The following LRIT3 variants were observed in gnomAD, a reference collection of about 807,000 sequenced individuals.
LRIT3 encodes leucine-rich repeat, immunoglobulin-like domain and transmembrane domain-containing protein 3.
Under a neutral mutation model 22.6 loss-of-function variants are expected in LRIT3, and 14 were observed. That is an observed-to-expected ratio of 0.62 (90% CI 0.41 to 0.97). The LOEUF (loss-of-function observed/expected upper bound fraction) is 0.97, where lower values mean the gene tolerates loss of function less well. Ranked by LOEUF, LRIT3 falls within the 50% of genes least tolerant of loss-of-function variation. The pLI is 0.00. For missense variants in LRIT3, 783 were observed against 803.0 expected (o/e 0.98, Z 0.30); for synonymous variants, 306 against 304.5 (o/e 1.01, Z -0.05).
rs748357847 is a variant in LRIT3 at position 109,867,649 on chromosome 4, G to A, written c.598G>A (p.Asp200Asn). The A allele has an allele frequency of 6.2e-6, 10 of 1,613,554 alleles. No individual in the cohort carries two copies. Among genetic ancestry groups the A allele is most frequent in the Non-Finnish European group, 8.5e-6 (10 of 1,179,570 alleles). The change falls in exon 3 of 4, where the codon GAC (aspartate) becomes AAC (asparagine). Residue 200 changes from aspartate (D) to asparagine (N), a missense_variant. Physicochemically the swap from Asp to Asn is conservative, Grantham distance 23 (BLOSUM62 1). Coordinates refer to ENST00000594814, the MANE Select transcript of LRIT3 (RefSeq NM_198506.5). ...SPSRIILGLQDNPWFCDCHIS... is the reference protein window; with the variant it reads ...SPSRIILGLQNNPWFCDCHIS... ...CCCACCTTCTGTTTTAGGTCTACAG[G>A]ACAATCCTTGGTTCTGTGACTGTCA...
intron 2 of LRIT3, among the ~76,000 whole-genome samples, chr4:109,865,731 T>TA: frequency 1.3e-5 from 2 of 152,280 alleles, no homozygotes; most frequent in South Asian, 4.2e-4. Context: ...ATTATGTAAT[T>TA]AAAAATTCAT....
intron 2 of LRIT3, among the ~76,000 whole-genome samples, chr4:109,863,893 C>A (rs1734608456): frequency 6.6e-6 from 1 of 152,142 alleles, no homozygotes; most frequent in African/African-American, 2.4e-5. Flanking sequence ...AATCTCAGAG[C>A]CTCTGCAGTT....
chr4:109,849,588 T>C (rs1734159047), intron 1 of LRIT3, among the ~76,000 whole-genome samples: 1 of 152,152 alleles, frequency 6.6e-6, no homozygotes, highest in South Asian at 2.1e-4. Flanking sequence ...CTTTCTTCTA[T>C]GATAGCATGC....
In LRIT3 at chr4:109,869,790, C is replaced by T. The variant is rs762022717; in HGVS notation, c.1041C>T (p.Gly347=). Residue 347 remains glycine (G), a synonymous_variant, in exon 4 of 4, where the codon GGC becomes GGT. Transcript: ENST00000594814. ...SEAVVTVTVL[G]ITTTPIPPDT... is the part of the protein sequence containing the mutation. ...CTGTGGTTACTGTGACAGTGCTTGG[C>T]ATTACCACAACTCCAATACCACCAG... The T allele has an allele frequency of 2.5e-6, 4 of 1,613,832 alleles. No individual in the cohort carries two copies. The Admixed American group carries it at 6.7e-5, about 27-fold the overall frequency.
At position 109,869,638 on chromosome 4, in the gene LRIT3, C is replaced by A. The variant is rs1293958800; in HGVS notation, c.896-7C>A. 6.5e-7 allele frequency: 1 copy of A among 1,530,072 alleles called. No individual in the cohort carries two copies. The highest frequency in any genetic ancestry group is 8.8e-7 in the Non-Finnish European group (1 of 1,141,658). 94.8% of individuals were successfully genotyped at this position (1,530,072 alleles called of 1,614,324 possible). A position where few individuals can be genotyped will look rare whatever the true frequency, so the allele number is the denominator to read the frequency against. ...TCCTCACAGACTATACATTTGTTTT[C>A]TTCCAGTAATACAAGAATCTCCAGA... On this transcript the variant is annotated splice_region_variant and splice_polypyrimidine_tract_variant and intron_variant, in intron 3 of 3. Transcript: ENST00000594814.
At chr4:109,850,100 T>C (rs373037310) in intron 1 of LRIT3, among the ~76,000 whole-genome samples, 4 of 152,350 alleles carry the variant, frequency 2.6e-5, no homozygotes, top group Admixed American at 6.5e-5. Flanking sequence ...GCTGCTTACG[T>C]GTGTATACAT....
rs998461952 is a variant in LRIT3, at chr4:109,849,131, T to C, written c.116+814T>C. On this transcript the variant is annotated intron_variant, in intron 1 of 3. Coordinates refer to ENST00000594814, the MANE Select transcript of LRIT3 (RefSeq NM_198506.5). ...TAATTTGTTAAAAGAGTTGCCCAAT[T>C]TATGTCTTATAACTTTAAACAAATA... is the stretch of plus-strand genomic sequence containing the variant. 5.9e-5 allele frequency among the ~76,000 whole-genome samples: 9 copies of C among 152,206 alleles called. No homozygotes were observed. The East Asian group carries it at 7.7e-4, about 13-fold the overall frequency.
At chr4:109,853,206 A>G (rs1439763810) in intron 2 of LRIT3, among the ~76,000 whole-genome samples, 2 of 152,182 alleles carry the variant, frequency 1.3e-5, no homozygotes, top group Admixed American at 6.5e-5. Context: ...CCAACAGTGT[A>G]AAAACGTTCC....
chr4:109,851,362 T>C, intron 1 of LRIT3, 142 bp from the exon 2 acceptor site: 1 of 1,183,614 alleles, frequency 8.4e-7, no homozygotes, highest in Non-Finnish European at 1.2e-6. Flanking sequence ...ACCAAGGCCC[T>C]CCTCGGCCTC....
chr4:109,853,941 C>T (rs1449094213), intron 2 of LRIT3, among the ~76,000 whole-genome samples: 1 of 152,164 alleles, frequency 6.6e-6, no homozygotes, highest in Non-Finnish European at 1.5e-5. Flanking sequence ...TTCCATTTGT[C>T]TATATATCTG....
At position 109,869,921 on chromosome 4, in the gene LRIT3, T is replaced by C. The variant is rs1734782094; in HGVS notation, c.1172T>C (p.Phe391Ser). The change falls in exon 4 of 4, where the codon TTC (phenylalanine) becomes TCC (serine). Residue 391 changes from phenylalanine to serine, a missense_variant. Transcript: ENST00000594814. ...TCATCATATCTTTGGTCCTCTTCCT[T>C]CTCCCCCACATCTTCTTTTTCTGCT... Reference protein sequence around the residue: ...SASSYLWSSSFSPTSSFSAST... With the variant: ...SASSYLWSSSSSPTSSFSAST... 1 of 1,613,820 alleles carries C rather than the reference T, an allele frequency of 6.2e-7. No homozygotes were observed. The highest frequency in any genetic ancestry group is 1.1e-5 in the South Asian group (1 of 91,076).
intron 2 of LRIT3, among the ~76,000 whole-genome samples, chr4:109,861,945 A>G (rs1734558193): frequency 6.6e-6 from 1 of 152,180 alleles, no homozygotes; most frequent in Non-Finnish European, 1.5e-5. Context: ...TCTTAGGCTT[A>G]TAGCTATTAT....
intron 2 of LRIT3, among the ~76,000 whole-genome samples, chr4:109,855,134 C>G (rs1286680073): frequency 1.3e-5 from 2 of 151,856 alleles, no homozygotes; most frequent in Non-Finnish European, 2.9e-5. Flanking sequence ...CCTCTGGTAC[C>G]TCTGGTAGAA....
chr4:109,863,553 A>G (rs1237134749), intron 2 of LRIT3, among the ~76,000 whole-genome samples: 1 of 152,174 alleles, frequency 6.6e-6, no homozygotes, highest in Non-Finnish European at 1.5e-5. Flanking sequence ...TATCTTTTCA[A>G]GGATTACCTT....
chr4:109,850,235 A>G (rs905045717), intron 1 of LRIT3, among the ~76,000 whole-genome samples: 3 of 152,058 alleles, frequency 2.0e-5, no homozygotes, highest in Non-Finnish European at 2.9e-5. Context: ...AAAACTTCTT[A>G]TTGTTCATTT....
Position 109,870,774 on chromosome 4 carries a change from A to G in LRIT3, c.2025A>G (p.Pro675=), listed in dbSNP as rs1427640492. The stretch of plus-strand genomic sequence containing the variant: ...CTTTTAAAAGTGAAGGTTCCAGACC[A>G]GAGTATTATTGCTAAGGTTCTGCAG... ...QVTFKSEGSR[P]EYYC Residue 675 remains proline, a synonymous_variant, in exon 4 of 4, where the codon CCA becomes CCG. Coordinates refer to ENST00000594814, the MANE Select transcript of LRIT3 (RefSeq NM_198506.5). The G allele has an allele frequency of 6.2e-7, 1 of 1,600,420 alleles. No homozygotes were observed. The highest frequency in any genetic ancestry group is 8.5e-7 in the Non-Finnish European group (1 of 1,172,038).
chr4:109,865,700 T>C (rs1000367001), intron 2 of LRIT3, among the ~76,000 whole-genome samples: 4 of 152,200 alleles, frequency 2.6e-5, no homozygotes, highest in African/African-American at 9.6e-5. Flanking sequence ...AATAAACCAT[T>C]GTTCAAAGTA....
Position 109,869,892 on chromosome 4 carries a change from C to T in LRIT3, c.1143C>T (p.Ser381=), listed in dbSNP as rs377733787. Residue 381 remains serine (S), a synonymous_variant, in exon 4 of 4, where the codon AGC becomes AGT. Coordinates refer to ENST00000594814, the MANE Select transcript of LRIT3 (RefSeq NM_198506.5). Reference sequence around the variant, plus strand: ...CTGGAAGATCTACATCTGTATCTAGCGCATCATCATATCTTTGGTCCTCTT... The same window carrying T: ...CTGGAAGATCTACATCTGTATCTAGTGCATCATCATATCTTTGGTCCTCTT... ...PGSGRSTSVS[S]ASSYLWSSSF... is the part of the protein sequence containing the mutation. 2.0e-5 allele frequency: 32 copies of T among 1,614,122 alleles called. No individual in the cohort carries two copies. The highest frequency in any genetic ancestry group is 1.6e-4 in the Middle Eastern group (1 of 6,062).
chr4:109,853,128 T>C (rs1734313955), intron 2 of LRIT3, among the ~76,000 whole-genome samples: 1 of 152,230 alleles, frequency 6.6e-6, no homozygotes, highest in East Asian at 1.9e-4. Flanking sequence ...AAATGGTATT[T>C]CTGGTTCTAG....
Sources: allele counts gnomAD v4.1 joint callset (sites outside exome capture counted in the v4.1 genomes callset), GRCh38; gene constraint gnomAD v4.1.1; transcripts MANE v1.5; gene names NCBI Gene and HGNC (gene_info 2026-07-23, HGNC 2026-07-21).